Variants in PHLDB3 observed in about 807,000 individuals in gnomAD.
The protein encoded by PHLDB3 is pleckstrin homology-like domain family B member 3.
In PHLDB3, 86 loss-of-function variants were observed where a neutral mutation model predicts 85.7. That is an observed-to-expected ratio of 1.00 (90% CI 0.84 to 1.20). The LOEUF (loss-of-function observed/expected upper bound fraction) is 1.20. Ranked by LOEUF, PHLDB3 falls within the 50% of genes most tolerant of loss-of-function variation. The pLI is 0.00. For synonymous variants in PHLDB3, 376 were observed against 349.8 expected (o/e 1.07, Z -0.83); for missense variants, 995 against 873.0 (o/e 1.14, Z -1.76).
intron 9 of PHLDB3, among the ~76,000 whole-genome samples, chr19:43,487,403 C>G (rs1371293012): frequency 2.0e-5 from 3 of 151,616 alleles, no homozygotes; most frequent in African/African-American, 4.8e-5. Context: ...GGTGAAACCC[C>G]ATCTCTACTA....
chr19:43,475,814 T>G (rs1011900148), intron 15 of PHLDB3, among the ~76,000 whole-genome samples: 13 of 152,130 alleles, frequency 8.5e-5, no homozygotes, highest in Admixed American at 3.3e-4. Context: ...CTTTTTTTTT[T>G]GAAACTGAGT....
intron 12 of PHLDB3, 87 bp from the exon 13 acceptor site, chr19:43,486,409 G>T: frequency 7.3e-7 from 1 of 1,376,214 alleles, no homozygotes; most frequent in Non-Finnish European, 9.9e-7. Flanking sequence ...TCTCTGTTCT[G>T]AGGGTACAGG....
chr19:43,494,496 T>G (rs1971394583), intron 9 of PHLDB3, among the ~76,000 whole-genome samples: 1 of 151,814 alleles, frequency 6.6e-6, no homozygotes. Flanking sequence ...AGGGCAGGGG[T>G]GGGTGTTACA....
In PHLDB3 at chr19:43,492,935, G is replaced by A. The variant is rs191733900; in HGVS notation, c.1149+1767C>T. ...TAAAGTCATTAAAAATGAGGCAACT[G>A]TAAATGTATCAATGTAAAACAATCT... On this transcript the variant is annotated intron_variant, in intron 9 of 15. Coordinates refer to ENST00000292140, the MANE Select transcript of PHLDB3 (RefSeq NM_198850.4). Among the ~76,000 whole-genome samples, 5 of 152,170 alleles carry A rather than the reference G, an allele frequency of 3.3e-5. 1 individual carries two copies. The highest frequency in any genetic ancestry group is 3.3e-4 in the Admixed American group (5 of 15,264).
chr19:43,502,387 T>C, intron 2 of PHLDB3, 104 bp from the exon 3 acceptor site: 2 of 1,091,842 alleles, frequency 1.8e-6, no homozygotes, highest in East Asian at 2.6e-5. Flanking sequence ...TCTCAGTCCA[T>C]CAGTCCACTT....
Position 43,475,345 on chromosome 19 carries a change from G to A in PHLDB3, c.*65C>T, listed in dbSNP as rs552844574. 1 of 1,582,944 alleles carries A rather than the reference G, an allele frequency of 6.3e-7. No individual in the cohort carries two copies. Among genetic ancestry groups the A allele is most frequent in the Non-Finnish European group, 8.6e-7 (1 of 1,161,978 alleles). On this transcript the variant is annotated 3_prime_UTR_variant, in exon 16 of 16. Coordinates refer to ENST00000292140, the MANE Select transcript of PHLDB3 (RefSeq NM_198850.4). Reference sequence around the variant, plus strand: ...TTTTCCGGCAGTGGGCGGGGCCTAGGAACGCCCCCGCGCCCCGCGCCGGCG... The same window carrying A: ...TTTTCCGGCAGTGGGCGGGGCCTAGAAACGCCCCCGCGCCCCGCGCCGGCG...
chr19:43,502,376 G>C (rs1971630385), intron 2 of PHLDB3, 93 bp from the exon 3 acceptor site: 1 of 1,268,026 alleles, frequency 7.9e-7, no homozygotes, highest in African/African-American at 1.5e-5. Flanking sequence ...CCCTCTGCGG[G>C]TCTCAGTCCA....
intron 3 of PHLDB3, 51 bp from the exon 4 acceptor site, chr19:43,501,922 G>A: frequency 6.5e-7 from 1 of 1,529,608 alleles, no homozygotes; most frequent in Non-Finnish European, 8.8e-7. Context: ...GTCCAAGGAA[G>A]AGGCCCAGGG....
intron 9 of PHLDB3, among the ~76,000 whole-genome samples, chr19:43,494,092 G>A (rs1375208253): frequency 6.6e-6 from 1 of 152,136 alleles, no homozygotes; most frequent in Non-Finnish European, 1.5e-5. Flanking sequence ...GAGTACAGTG[G>A]CATAATCTCG....
chr19:43,487,467 C>T (rs574283617), intron 9 of PHLDB3, among the ~76,000 whole-genome samples: 1 of 149,116 alleles, frequency 6.7e-6, no homozygotes, highest in East Asian at 2.0e-4. Flanking sequence ...CCCAGCTACT[C>T]GGGAGGCTGA....
chr19:43,484,217 C>T (rs1971104269), intron 13 of PHLDB3, among the ~76,000 whole-genome samples: 1 of 146,124 alleles, frequency 6.8e-6, no homozygotes, highest in African/African-American at 2.6e-5. Flanking sequence ...TAATACTGCA[C>T]TCCAGCTTGG....
chr19:43,484,596 C>T (rs1056287421), intron 13 of PHLDB3, among the ~76,000 whole-genome samples: 2 of 151,868 alleles, frequency 1.3e-5, no homozygotes, highest in African/African-American at 4.8e-5. Context: ...CCTGTACTCC[C>T]AGCTACTCGG....
intron 15 of PHLDB3, among the ~76,000 whole-genome samples, chr19:43,476,332 T>C (rs1970926762): frequency 6.6e-6 from 1 of 152,132 alleles, no homozygotes; most frequent in Admixed American, 6.5e-5. Flanking sequence ...GGTTGATGCG[T>C]ACCCATTCTA....
chr19:43,494,814 A>G lies in PHLDB3; in HGVS notation c.1037T>C (p.Leu346Pro). Reference protein sequence around the residue: ...FSEPNPALTKLLFTQKTDRQL... With the variant: ...FSEPNPALTKPLFTQKTDRQL... ...GCGGTCTGTCTTCTGGGTGAACAGC[A>G]GCTGCAAGAGATGGGGTGAAGTTTC... The change falls in exon 9 of 16, where the codon CTG becomes CCG. Residue 346 changes from leucine (L) to proline (P), a missense_variant and splice_region_variant. Leu to Pro is a moderately conservative substitution (Grantham distance 98). Coordinates refer to ENST00000292140, the MANE Select transcript of PHLDB3 (RefSeq NM_198850.4). 6.2e-7 allele frequency: 1 copy of G among 1,609,718 alleles called. No homozygotes were observed. The highest frequency in any genetic ancestry group is 8.5e-7 in the Non-Finnish European group (1 of 1,178,200).
intron 13 of PHLDB3, among the ~76,000 whole-genome samples, chr19:43,484,853 C>G (rs1971119568): frequency 6.6e-6 from 1 of 152,028 alleles, no homozygotes; most frequent in Non-Finnish European, 1.5e-5. Context: ...GGCACCAATG[C>G]CCTAGAATTA....
intron 4 of PHLDB3, 114 bp downstream of exon 4, chr19:43,501,620 A>T (rs1460970560): frequency 6.7e-7 from 1 of 1,495,242 alleles, no homozygotes; most frequent in African/African-American, 1.4e-5. Flanking sequence ...CAGGAGCCCA[A>T]ATGTCTTCCT....
chr19:43,493,856 A>G (rs981920046), intron 9 of PHLDB3, among the ~76,000 whole-genome samples: 5 of 152,138 alleles, frequency 3.3e-5, no homozygotes, highest in African/African-American at 1.2e-4. Flanking sequence ...CCTTCTCCAA[A>G]ATACTTGGGA....
At chr19:43,494,617 C>T in intron 9 of PHLDB3, 85 bp downstream of exon 9, 1 of 1,131,788 alleles carries the variant, frequency 8.8e-7, no homozygotes. Context: ...TTCTGGAGAC[C>T]CCAGTTCGGG....
At chr19:43,491,052 C>T (rs988529545) in intron 9 of PHLDB3, among the ~76,000 whole-genome samples, 1 of 152,172 alleles carries the variant, frequency 6.6e-6, no homozygotes, top group African/African-American at 2.4e-5. Flanking sequence ...ACAGGGTGCA[C>T]CTGGGCTTAG....
Sources: gnomAD v4.1 joint callset for allele counts (sites outside exome capture counted in the v4.1 genomes callset) on GRCh38, gnomAD v4.1.1 for gene constraint, MANE v1.5 for transcripts, NCBI Gene and HGNC (gene_info 2026-07-23, HGNC 2026-07-21) for gene names.